Variants in RELCH observed in about 807,000 individuals in gnomAD.
RELCH encodes RAB11 binding and LisH domain, coiled-coil and HEAT repeat containing, also known as RAB11-binding protein RELCH.
RELCH carries 41 observed loss-of-function variants against 150.3 expected under a neutral mutation model. The ratio of observed to expected loss-of-function variants is 0.27; its 90% CI spans 0.21 to 0.35. RELCH has a LOEUF of 0.35. Ranked by LOEUF, RELCH falls within the 10% of genes least tolerant of loss-of-function variation. RELCH has a pLI of 1.00. For missense variants in RELCH, 1,092 were observed against 1,467.8 expected, an observed-to-expected ratio of 0.74 and a Z score of 4.18; for synonymous variants, 478 against 531.8, an observed-to-expected ratio of 0.90 and a Z score of 1.39.
chr18:62,304,669 G>A (rs1470111253), intron 28 of RELCH, among the ~76,000 whole-genome samples: 1 of 152,236 alleles, frequency 6.6e-6, no homozygotes, highest in African/African-American at 2.4e-5. Context: ...TTACAGGACA[G>A]TTGTCAGGTC....
In RELCH at chr18:62,244,993, T is replaced by A. The variant is rs1428084579; in HGVS notation, c.1733+117T>A. ...GCCTTCTTTCCTTCCAGTATCTATT[T>A]TAGCAGCGCTGGAGCATTCCCCCAT... On this transcript the variant is annotated intron_variant, in intron 11 of 28. Coordinates refer to ENST00000644646, the MANE Select transcript of RELCH (RefSeq NM_001346231.2). The A allele has an allele frequency of 6.9e-5, 47 of 678,106 alleles. No homozygotes were observed. In the South Asian group the frequency reaches 7.4e-4, roughly 11 times the overall value. 42.0% of individuals were successfully genotyped at this position (678,106 alleles called of 1,614,324 possible).
intron 10 of RELCH, among the ~76,000 whole-genome samples, chr18:62,239,217 T>C (rs184218965): frequency 7.2e-5 from 11 of 152,264 alleles, no homozygotes; most frequent in Admixed American, 5.9e-4. Context: ...TTAGGTACTT[T>C]AGGTTTCCTA....
At position 62,187,367 on chromosome 18, in the gene RELCH, T is replaced by G; in HGVS notation, c.-139T>G. 1.4e-6 allele frequency: 1 copy of G among 727,124 alleles called. No individual in the cohort carries two copies. The highest frequency in any genetic ancestry group is 2.1e-6 in the Non-Finnish European group (1 of 473,896). 45.0% of individuals were successfully genotyped at this position (727,124 alleles called of 1,614,324 possible). A position where few individuals can be genotyped will look rare whatever the true frequency, so the allele number is the denominator to read the frequency against. ...CCGGATCTCCTGCCTTGGAGCGTAC[T>G]CCTTGTCTCTAAGTCGGGAGGCAGG... On this transcript the variant is annotated 5_prime_UTR_variant, in exon 1 of 29. Coordinates refer to ENST00000644646, the MANE Select transcript of RELCH (RefSeq NM_001346231.2).
chr18:62,216,915 T>C (rs1599869276), intron 2 of RELCH, among the ~76,000 whole-genome samples: 1 of 152,048 alleles, frequency 6.6e-6, no homozygotes, highest in African/African-American at 2.4e-5. Context: ...ACATTTTGAT[T>C]TTCTTGATTT....
chr18:62,258,173 A>G lies in RELCH; in HGVS notation c.2037+85A>G, dbSNP rs1295258843. On this transcript the variant is annotated intron_variant, in intron 14 of 28. Coordinates refer to ENST00000644646, the MANE Select transcript of RELCH (RefSeq NM_001346231.2). ...TCCAAATCTCTGATTTAGATACTTT[A>G]TAATGTATCATAAGGATGGCAGGTA... 5.8e-6 allele frequency: 7 copies of G among 1,212,422 alleles called. No individual in the cohort carries two copies. In the African/African-American group the frequency reaches 7.8e-5, roughly 14 times the overall value. 75.1% of individuals were successfully genotyped at this position (1,212,422 alleles called of 1,614,324 possible). A position where few individuals can be genotyped will look rare whatever the true frequency, so the allele number is the denominator to read the frequency against.
intron 28 of RELCH, among the ~76,000 whole-genome samples, chr18:62,301,190 C>T (rs1400497176): frequency 6.6e-6 from 1 of 151,948 alleles, no homozygotes; most frequent in African/African-American, 2.4e-5. Flanking sequence ...TACAGAGGAG[C>T]GTGTTTGGGA....
chr18:62,299,559 C>T (rs1054953451), intron 28 of RELCH, among the ~76,000 whole-genome samples: 6 of 152,166 alleles, frequency 3.9e-5, no homozygotes, highest in African/African-American at 9.7e-5. Context: ...ATGTGCAACA[C>T]GCATATATCT....
At chr18:62,200,964 CTTTTTTTTTTTTT>C (rs543882947) in intron 1 of RELCH, among the ~76,000 whole-genome samples, 4 of 54,988 alleles carry the variant, frequency 7.3e-5, no homozygotes, top group African/African-American at 2.4e-4. Context: ...TTTTTCTTTG[CTTTTTTTTTTTTT>C]TTTTTTTTTT....
At chr18:62,288,494 G>A (rs1489746509) in intron 26 of RELCH, among the ~76,000 whole-genome samples, 1 of 152,072 alleles carries the variant, frequency 6.6e-6, no homozygotes, top group Admixed American at 6.6e-5. Context: ...ACCAAATAGA[G>A]AAAGTAGAAA....
rs191926026 is a variant in RELCH at position 62,258,132 on chromosome 18, C to G, written c.2037+44C>G. 4,550 of 1,460,906 alleles carry G rather than the reference C, an allele frequency of 3.1e-3. 26 individuals are homozygous for G. The highest frequency in any genetic ancestry group is 6.3e-3 in the South Asian group (510 of 81,506). 90.5% of individuals were successfully genotyped at this position (1,460,906 alleles called of 1,614,324 possible). ...ACTGATTTTACTCCATTATAAAATT[C>G]CAAGTATTATAATATTCCAAATCTC... On this transcript the variant is annotated intron_variant, in intron 14 of 28. Coordinates refer to ENST00000644646, the MANE Select transcript of RELCH (RefSeq NM_001346231.2).
At chr18:62,284,428 TGTGTACCCACAAGTATGTCTTATACA>T (rs1173760797) in intron 25 of RELCH, 2 of 152,354 alleles carry the variant, frequency 1.3e-5, no homozygotes, top group East Asian at 3.9e-4. Flanking sequence ...TGCAACTTAC[TGTGTACCCACAAGTATGTCTTATACA>T]GTCTTCTTTC....
intron 26 of RELCH, among the ~76,000 whole-genome samples, chr18:62,287,729 A>G (rs2044885206): frequency 6.6e-6 from 1 of 152,184 alleles, no homozygotes; most frequent in Admixed American, 6.5e-5. Flanking sequence ...TTTTATTTAT[A>G]TTAGTTAGCT....
intron 21 of RELCH, among the ~76,000 whole-genome samples, 168 bp from the exon 22 acceptor site, chr18:62,275,206 C>T (rs546680138): frequency 2.6e-5 from 4 of 152,258 alleles, no homozygotes; most frequent in East Asian, 1.9e-4. Flanking sequence ...TGAGCCACTG[C>T]GCCTAGCCGA....
At chr18:62,249,092 C>T (rs188005432) in intron 11 of RELCH, among the ~76,000 whole-genome samples, 23 of 152,172 alleles carry the variant, frequency 1.5e-4, no homozygotes, top group Admixed American at 3.3e-4. Context: ...TTTGCTTATA[C>T]TTTGCAAAAT....
intron 19 of RELCH, among the ~76,000 whole-genome samples, chr18:62,267,827 T>C (rs2144766801): frequency 6.6e-6 from 1 of 152,110 alleles, no homozygotes; most frequent in East Asian, 1.9e-4. Flanking sequence ...TTTGGAATTA[T>C]TAGTTAGCCA....
chr18:62,203,686 C>T (rs1410065407), intron 1 of RELCH, among the ~76,000 whole-genome samples: 1 of 152,028 alleles, frequency 6.6e-6, no homozygotes, highest in East Asian at 1.9e-4. Flanking sequence ...TGCAATTTCT[C>T]ACTATATAAG....
intron 1 of RELCH, among the ~76,000 whole-genome samples, chr18:62,198,803 T>A (rs2039224058): frequency 6.6e-6 from 1 of 152,092 alleles, no homozygotes; most frequent in South Asian, 2.1e-4. Flanking sequence ...AGCAAAAAAA[T>A]ATATATTACA....
intron 24 of RELCH, among the ~76,000 whole-genome samples, chr18:62,281,015 C>G (rs927334160): frequency 3.4e-4 from 51 of 152,238 alleles, no homozygotes; most frequent in African/African-American, 1.2e-3. Context: ...CAGTAAAGCC[C>G]CTTCCTCTTC....
intron 25 of RELCH, among the ~76,000 whole-genome samples, chr18:62,284,079 T>C (rs1167051316): frequency 1.3e-5 from 2 of 152,236 alleles, no homozygotes; most frequent in East Asian, 1.9e-4. Flanking sequence ...TGGATTCTTA[T>C]AGGATCTGCT....
Sources: gnomAD v4.1 joint callset for allele counts (sites outside exome capture counted in the v4.1 genomes callset) on GRCh38, gnomAD v4.1.1 for gene constraint, MANE v1.5 for transcripts, NCBI Gene and HGNC (gene_info 2026-07-23, HGNC 2026-07-21) for gene names.